The following OSTM1 variants were observed in gnomAD, a reference collection of about 807,000 sequenced individuals.
The protein encoded by OSTM1 is osteopetrosis-associated transmembrane protein 1.
In OSTM1, 26 loss-of-function variants were observed where a neutral mutation model predicts 35.4. The ratio of observed to expected loss-of-function variants is 0.73; its 90% CI spans 0.54 to 1.02. The LOEUF is 1.02. Among genes scored for constraint, OSTM1 ranks in the 50% least tolerant of loss-of-function variants. The probability of loss-of-function intolerance (pLI) is 0.00; values close to 1 mark genes in which losing one functional copy is unlikely to be tolerated. For missense variants in OSTM1, 366 were observed against 409.6 expected (o/e 0.89, Z 0.92); for synonymous variants, 181 against 165.0 (o/e 1.10, Z -0.75).
chr6:108,058,790 AT>A (rs1376009234), intron 2 of OSTM1, among the ~76,000 whole-genome samples: 2 of 152,028 alleles, frequency 1.3e-5, no homozygotes, highest in Admixed American at 6.6e-5. Context: ...AAAAAAAAAA[AT>A]GTTTTGGTTA....
chr6:108,047,290 G>T (rs1771993558), intron 5 of OSTM1, among the ~76,000 whole-genome samples: 1 of 152,154 alleles, frequency 6.6e-6, no homozygotes, highest in Non-Finnish European at 1.5e-5. Context: ...CTTGGAAAAG[G>T]GGCAGTGTGA....
In OSTM1 at chr6:108,058,989, A is replaced by C. The variant is rs563803901; in HGVS notation, c.518-4402T>G. 4.9e-4 allele frequency among the ~76,000 whole-genome samples: 75 copies of C among 152,332 alleles called. 1 individual carries two copies. Among genetic ancestry groups the C allele is most frequent in the African/African-American group, 1.7e-3 (70 of 41,576 alleles). ...ACCCAGATCACCTGTATCACTGAAG[A>C]TATAGGTTGCTCATAAAGAAAGAGT... On this transcript the variant is annotated intron_variant, in intron 2 of 5. Transcript: ENST00000193322.
At chr6:108,048,749 CTT>C (rs575605197) in intron 5 of OSTM1, among the ~76,000 whole-genome samples, 2 of 111,786 alleles carry the variant, frequency 1.8e-5, no homozygotes, top group Non-Finnish European at 1.8e-5. Context: ...TGTGTTTTAA[CTT>C]TTTTTTTTTT....
Position 108,051,097 on chromosome 6 carries a change from T to C in OSTM1, c.717A>G (p.Gln239=). Residue 239 remains glutamine, a synonymous_variant, in exon 4 of 6, where the codon CAA becomes CAG. Transcript: ENST00000193322. ...CCTTATTCTCAAGTTCATTCATTTTTTGCATTTCACTGTACAGACTACTCA... is the reference window on the plus strand; with the variant it reads ...CCTTATTCTCAAGTTCATTCATTTTCTGCATTTCACTGTACAGACTACTCA... ...KTLSSLYSEM[Q]KMNELENKAE... is the part of the protein sequence containing the mutation. 1.2e-6 allele frequency: 2 copies of C among 1,613,782 alleles called. No individual in the cohort carries two copies. The highest frequency in any genetic ancestry group is 1.7e-6 in the Non-Finnish European group (2 of 1,179,730).
At chr6:108,066,534 T>C (rs1450753589) in intron 1 of OSTM1, among the ~76,000 whole-genome samples, 1 of 152,182 alleles carries the variant, frequency 6.6e-6, no homozygotes, top group Admixed American at 6.6e-5. Context: ...GGGGTGGTTA[T>C]TTGTGTCAAA....
At chr6:108,068,797 A>G (rs1772427540) in intron 1 of OSTM1, among the ~76,000 whole-genome samples, 1 of 152,206 alleles carries the variant, frequency 6.6e-6, no homozygotes, top group Non-Finnish European at 1.5e-5. Flanking sequence ...ATTCCACAGA[A>G]TTAAACCTTT....
intron 2 of OSTM1, among the ~76,000 whole-genome samples, chr6:108,061,431 G>T (rs1772268906): frequency 6.7e-6 from 1 of 149,284 alleles, no homozygotes; most frequent in South Asian, 2.1e-4. Flanking sequence ...CTTCTTACTG[G>T]TCTCTCTCTC....
chr6:108,054,640 G>A (rs1772139343), intron 2 of OSTM1, 53 bp from the exon 3 acceptor site: 2 of 837,770 alleles, frequency 2.4e-6, no homozygotes, highest in East Asian at 5.1e-5. Context: ...ACAATTCTAT[G>A]TTGTCATTTA....
In OSTM1 at chr6:108,074,564, G is replaced by T; in HGVS notation, c.88C>A (p.Leu30Met). 1 of 1,560,708 alleles carries T rather than the reference G, an allele frequency of 6.4e-7. No individual in the cohort carries two copies. The highest frequency in any genetic ancestry group is 2.4e-5 in the East Asian group (1 of 41,966). Residue 30 changes from leucine (L) to methionine (M), a missense_variant, in exon 1 of 6, where the codon CTG becomes ATG. Around this residue, in one of 3 missense-constraint regions of OSTM1, gnomAD observed 236 missense variants for 239.3 expected, o/e 0.99. Coordinates refer to ENST00000193322, the MANE Select transcript of OSTM1 (RefSeq NM_014028.4). ...CTGCTGCCGAAGGGGAGCGCGCCCA[G>T]GGCCAGCCCCGACCACAGCAGCAGC... Reference protein sequence around the residue: ...LGLLLWSGLALGALPFGSSPH... With the variant: ...LGLLLWSGLAMGALPFGSSPH...
At chr6:108,068,331 T>C (rs1302778905) in intron 1 of OSTM1, among the ~76,000 whole-genome samples, 2 of 152,180 alleles carry the variant, frequency 1.3e-5, no homozygotes, top group African/African-American at 4.8e-5. Context: ...TTATCTCTAG[T>C]CCAGTCCTCT....
chr6:108,048,905 T>C (rs9374009), intron 5 of OSTM1, among the ~76,000 whole-genome samples: 67,221 of 151,546 alleles, frequency 0.44, 17,736 homozygotes, highest in African/African-American at 0.72. Context: ...GCATGCGCCA[T>C]CATGCCCGGC....
In OSTM1 at chr6:108,067,015, C is replaced by T. The variant is rs78305555; in HGVS notation, c.403-2716G>A. On this transcript the variant is annotated intron_variant, in intron 1 of 5. Coordinates refer to ENST00000193322, the MANE Select transcript of OSTM1 (RefSeq NM_014028.4). ...AAGCCAGCCATTTCCTTTGATCATGCCTGCACCCAGGAAGTCAGGAGCTGC... is the reference window on the plus strand; with the variant it reads ...AAGCCAGCCATTTCCTTTGATCATGTCTGCACCCAGGAAGTCAGGAGCTGC... Among the ~76,000 whole-genome samples the T allele has an allele frequency of 2.6e-5, 4 of 152,134 alleles. No individual in the cohort carries two copies. In the East Asian group the frequency reaches 7.7e-4, roughly 29 times the overall value.
chr6:108,047,411 T>G (rs1017727606), intron 5 of OSTM1, among the ~76,000 whole-genome samples: 3 of 152,250 alleles, frequency 2.0e-5, no homozygotes, highest in Non-Finnish European at 1.5e-5. Context: ...GGCCAGGTCA[T>G]GTACAGCTTG....
intron 2 of OSTM1, among the ~76,000 whole-genome samples, chr6:108,058,024 G>C (rs1282331843): frequency 6.6e-6 from 1 of 150,836 alleles, no homozygotes; most frequent in African/African-American, 2.4e-5. Flanking sequence ...GAAGGCTCAG[G>C]CATCAGCTTA....
Position 108,051,072 on chromosome 6 carries a change from C to T in OSTM1, c.742G>A (p.Ala248Thr), listed in dbSNP as rs753772212. 4 of 1,613,792 alleles carry T rather than the reference C, an allele frequency of 2.5e-6. No individual in the cohort carries two copies. The highest frequency in any genetic ancestry group is 3.4e-6 in the Non-Finnish European group (4 of 1,179,832). ...MQKMNELENKAEPGTHLCIDV... is the reference protein window; with the variant it reads ...MQKMNELENKTEPGTHLCIDV... ...ATGCATAAATGTGTTCCAGGTTCAG[C>T]CTTATTCTCAAGTTCATTCATTTTT... Residue 248 changes from alanine to threonine, a missense_variant, in exon 4 of 6, where the codon GCT becomes ACT. Coordinates refer to ENST00000193322, the MANE Select transcript of OSTM1 (RefSeq NM_014028.4).
Position 108,044,733 on chromosome 6 carries a change from G to A in OSTM1, c.*52C>T. ...TTTATCTTCTTTCTGAAACCAAGTT[G>A]TGTCTTCCACCATTCATTCACGTGA... On this transcript the variant is annotated 3_prime_UTR_variant, in exon 6 of 6. Transcript: ENST00000193322. 1 of 990,738 alleles carries A rather than the reference G, an allele frequency of 1.0e-6. No individual in the cohort carries two copies. The highest frequency in any genetic ancestry group is 1.4e-5 in the South Asian group (1 of 69,256). 61.4% of individuals were successfully genotyped at this position (990,738 alleles called of 1,614,324 possible). A position where few individuals can be genotyped will look rare whatever the true frequency, so the allele number is the denominator to read the frequency against.
rs1358512929 is a variant in OSTM1 at position 108,070,955 on chromosome 6, G to A, written c.402+3295C>T. On this transcript the variant is annotated intron_variant, in intron 1 of 5. Transcript: ENST00000193322. Reference sequence around the variant, plus strand: ...TGTAATCCCAGCACTTTGGGAGGTCGAGGTGTGCAGATCACGAGGTCAGGA... The same window carrying A: ...TGTAATCCCAGCACTTTGGGAGGTCAAGGTGTGCAGATCACGAGGTCAGGA... 4.0e-5 allele frequency among the ~76,000 whole-genome samples: 6 copies of A among 150,426 alleles called. No homozygotes were observed. In the South Asian group the frequency reaches 1.0e-3, roughly 26 times the overall value.
chr6:108,052,191 T>C (rs921600216), intron 3 of OSTM1, among the ~76,000 whole-genome samples: 1 of 152,058 alleles, frequency 6.6e-6, no homozygotes, highest in East Asian at 1.9e-4. Context: ...ACCCAGCACT[T>C]TGGGAGGCCG....
In OSTM1 at chr6:108,044,261, A is replaced by G. The variant is rs1336121631; in HGVS notation, c.*524T>C. The G allele has an allele frequency of 1.3e-5, 2 of 152,656 alleles. No homozygotes were observed. Among genetic ancestry groups the G allele is most frequent in the Admixed American group, 1.3e-4 (2 of 15,280 alleles). 9.5% of individuals were successfully genotyped at this position (152,656 alleles called of 1,614,324 possible). The stretch of plus-strand genomic sequence containing the variant: ...AGGTTTGCAATCAGTGGTTTCAAAA[A>G]TGACTCTAGGGAAACTAGAGACTGA... On this transcript the variant is annotated 3_prime_UTR_variant, in exon 6 of 6. Transcript: ENST00000193322.
Sources: gnomAD v4.1 joint callset for allele counts (sites outside exome capture counted in the v4.1 genomes callset) on GRCh38, gnomAD v4.1.1 for gene constraint, gnomAD v4.1.1 regional missense constraint, MANE v1.5 for transcripts, NCBI Gene and HGNC (gene_info 2026-07-23, HGNC 2026-07-21) for gene names.